The following EIF2B3 variants were observed in gnomAD, a reference collection of about 807,000 sequenced individuals.
EIF2B3 encodes the protein translation initiation factor eIF2B subunit gamma.
A neutral mutation model predicts 54.1 loss-of-function variants in EIF2B3; 20 were observed. The ratio of observed to expected loss-of-function variants is 0.37; its 90% CI spans 0.26 to 0.54. The LOEUF is 0.54. Among genes scored for constraint, EIF2B3 ranks in the 20% least tolerant of loss-of-function variants. The probability of loss-of-function intolerance (pLI) is 0.86; values close to 1 mark genes in which losing one functional copy is unlikely to be tolerated. For missense variants in EIF2B3, 448 were observed against 547.8 expected, an observed-to-expected ratio of 0.82 and a Z score of 1.82; for synonymous variants, 153 against 188.1, an observed-to-expected ratio of 0.81 and a Z score of 1.52.
intron 5 of EIF2B3, among the ~76,000 whole-genome samples, chr1:44,905,636 T>C (rs185457371): frequency 6.6e-6 from 1 of 152,290 alleles, no homozygotes; most frequent in East Asian, 1.9e-4. Context: ...GAATTGGTTC[T>C]CTGATCTGAT....
intron 8 of EIF2B3, among the ~76,000 whole-genome samples, chr1:44,879,012 C>T (rs948283408): frequency 6.6e-6 from 1 of 152,104 alleles, no homozygotes; most frequent in Non-Finnish European, 1.5e-5. Context: ...CCACCTGCCT[C>T]GGCCTCCCAA....
intron 8 of EIF2B3, among the ~76,000 whole-genome samples, chr1:44,876,503 G>A (rs1337098144): frequency 8.9e-6 from 1 of 111,782 alleles, no homozygotes; most frequent in African/African-American, 3.6e-5. Context: ...GAGCCCCTCC[G>A]TCCGGCAGCC....
intron 10 of EIF2B3, among the ~76,000 whole-genome samples, chr1:44,865,746 G>A (rs1018586781): frequency 6.6e-6 from 1 of 151,730 alleles, no homozygotes; most frequent in Non-Finnish European, 1.5e-5. Context: ...CCACGCCCGA[G>A]TAATTTTGTA....
At chr1:44,959,159 A>G (rs1337414073) in intron 3 of EIF2B3, 2 of 719,770 alleles carry the variant, frequency 2.8e-6, no homozygotes, top group East Asian at 2.5e-5. Flanking sequence ...ACGATTGCAC[A>G]GTCTGGTGTT....
intron 10 of EIF2B3, among the ~76,000 whole-genome samples, chr1:44,874,010 G>A (rs114695062): frequency 7.3e-5 from 11 of 150,126 alleles, no homozygotes; most frequent in South Asian, 2.1e-4. Context: ...TATACTTACC[G>A]TTTCAGCATC....
chr1:44,925,865 A>C (rs1643840763), intron 5 of EIF2B3, among the ~76,000 whole-genome samples: 1 of 151,366 alleles, frequency 6.6e-6, no homozygotes, highest in Admixed American at 6.6e-5. Context: ...CGGAGGTTAC[A>C]GTGAGCCAAG....
intron 10 of EIF2B3, among the ~76,000 whole-genome samples, chr1:44,865,843 C>T (rs1266820747): frequency 6.6e-6 from 1 of 152,104 alleles, no homozygotes; most frequent in Non-Finnish European, 1.5e-5. Context: ...GCTGAGATTA[C>T]AGGCATGAGC....
chr1:44,967,110 G>A (rs950680763), intron 3 of EIF2B3, among the ~76,000 whole-genome samples: 1 of 151,458 alleles, frequency 6.6e-6, no homozygotes, highest in South Asian at 2.1e-4. Flanking sequence ...CACCATGCCC[G>A]GCCTTCCATA....
Position 44,908,770 on chromosome 1 carries a change from A to G in EIF2B3, c.567-11326T>C, listed in dbSNP as rs72676515. Among the ~76,000 whole-genome samples the G allele has an allele frequency of 2.9e-3, 449 of 152,338 alleles. 5 individuals carry two copies. The highest frequency in any genetic ancestry group is 1.5e-3 in the Non-Finnish European group (99 of 68,018). On this transcript the variant is annotated intron_variant, in intron 5 of 11. Transcript: ENST00000360403. ...AAAAAACTAATGGAGAAAAGGTTCC[A>G]GGAGTGGCAGAAGAAAGGGGGTAAA... is the stretch of plus-strand genomic sequence containing the variant.
At chr1:44,863,228 GC>G (rs1654668753) in intron 10 of EIF2B3, 1 of 152,134 alleles carries the variant, frequency 6.6e-6, no homozygotes, top group South Asian at 2.1e-4. Context: ...ACTAAGGTCT[GC>G]TCTAGGCCAA....
chr1:44,916,975 T>C (rs1182831299), intron 5 of EIF2B3, among the ~76,000 whole-genome samples: 2 of 152,314 alleles, frequency 1.3e-5, no homozygotes, highest in East Asian at 3.9e-4. Context: ...CAGTTTATAA[T>C]ATTCTCGAGT....
rs1655404806 is a variant in EIF2B3 at position 44,881,651 on chromosome 1, TTTC to T, written c.742_744del (p.Glu248del). 6 of 1,614,234 alleles carry T rather than the reference TTTC, an allele frequency of 3.7e-6. No individual in the cohort carries two copies. Among genetic ancestry groups the T allele is most frequent in the Non-Finnish European group, 5.1e-6 (6 of 1,180,032 alleles). On this transcript the variant is annotated inframe_deletion, in exon 7 of 12. Transcript: ENST00000360403. This position sits in a 1 kb window ranked among gnomAD's most constrained non-coding sequence, Gnocchi z 4.0. ...TCCTTTTTCTTTAGATCCTCCTCTT[TTTC>T]TTCTTGTCCCTGTTGTGAGGAAGCT... is the stretch of plus-strand genomic sequence containing the variant.
intron 2 of EIF2B3, among the ~76,000 whole-genome samples, chr1:44,979,907 A>G (rs1644495702): frequency 6.6e-6 from 1 of 152,138 alleles, no homozygotes; most frequent in African/African-American, 2.4e-5. Flanking sequence ...TGGAGGTTGC[A>G]GTGAGCTGAG....
intron 4 of EIF2B3, among the ~76,000 whole-genome samples, chr1:44,938,202 T>C (rs1489645868): frequency 6.6e-6 from 1 of 152,134 alleles, no homozygotes; most frequent in African/African-American, 2.4e-5. Context: ...GCCAAATATA[T>C]AATCTGAAAA....
At chr1:44,874,351 T>G (rs186571190) in intron 10 of EIF2B3, among the ~76,000 whole-genome samples, 113 of 152,352 alleles carry the variant, frequency 7.4e-4, no homozygotes, top group Middle Eastern at 6.8e-3. Flanking sequence ...TGTTCCAGTT[T>G]GGATTAACTA....
At chr1:44,908,574 T>C (rs1643457165) in intron 5 of EIF2B3, among the ~76,000 whole-genome samples, 1 of 152,128 alleles carries the variant, frequency 6.6e-6, no homozygotes, top group Admixed American at 6.5e-5. Flanking sequence ...ACTGATAGAA[T>C]GTTGAGAATG....
intron 10 of EIF2B3, among the ~76,000 whole-genome samples, chr1:44,866,173 C>T (rs956311433): frequency 3.4e-4 from 51 of 151,864 alleles, no homozygotes; most frequent in African/African-American, 1.1e-3. Context: ...TGGAGGTGGG[C>T]GGCTAATGAG....
intron 7 of EIF2B3, among the ~76,000 whole-genome samples, chr1:44,880,864 G>A (rs1655371058): frequency 6.6e-6 from 1 of 152,130 alleles, no homozygotes; most frequent in African/African-American, 2.4e-5. Flanking sequence ...GGGAGGCTGA[G>A]GCAGGAGAAT....
At chr1:44,938,291 G>A (rs1321517826) in intron 4 of EIF2B3, among the ~76,000 whole-genome samples, 4 of 152,126 alleles carry the variant, frequency 2.6e-5, no homozygotes, top group Non-Finnish European at 5.9e-5. Context: ...AATTATTTAG[G>A]TGAATCTTAG....
Sources: allele counts gnomAD v4.1 joint callset (sites outside exome capture counted in the v4.1 genomes callset), GRCh38; gene constraint gnomAD v4.1.1; non-coding constraint Gnocchi (gnomAD v3.1); transcripts MANE v1.5; gene names NCBI Gene and HGNC (gene_info 2026-07-23, HGNC 2026-07-21).